The following PLCL1 variants were observed in gnomAD, a reference collection of about 807,000 sequenced individuals.
PLCL1 encodes inactive phospholipase C-like protein 1.
In PLCL1, 41 loss-of-function variants were observed where a neutral mutation model predicts 84.4. The ratio of observed to expected loss-of-function variants is 0.49; its 90% CI spans 0.38 to 0.63. PLCL1 has a LOEUF of 0.63. Among genes scored for constraint, PLCL1 ranks in the 30% least tolerant of loss-of-function variants. PLCL1 has a pLI of 0.00. For missense variants in PLCL1, 1,206 were observed against 1,367.8 expected (o/e 0.88, Z 1.87); for synonymous variants, 490 against 488.3 (o/e 1.00, Z -0.05).
At chr2:198,056,160 C>T (rs1304752058) in intron 1 of PLCL1, among the ~76,000 whole-genome samples, 1 of 152,138 alleles carries the variant, frequency 6.6e-6, no homozygotes, top group Non-Finnish European at 1.5e-5. Context: ...ATTTCAATAA[C>T]ATTTCTCTGT....
intron 1 of PLCL1, among the ~76,000 whole-genome samples, chr2:197,922,758 T>C (rs868725514): frequency 1.1e-3 from 48 of 45,638 alleles, no homozygotes; most frequent in East Asian, 1.7e-3. Context: ...CCGGACGGGG[T>C]GGCTGGCCGG....
intron 1 of PLCL1, among the ~76,000 whole-genome samples, chr2:197,929,633 A>G (rs889165841): frequency 3.3e-5 from 5 of 152,192 alleles, no homozygotes; most frequent in Non-Finnish European, 7.4e-5. Context: ...GAATAATTGA[A>G]AGCTGGGCAT....
chr2:197,960,236 A>C (rs1224499023), intron 1 of PLCL1, among the ~76,000 whole-genome samples: 2 of 152,122 alleles, frequency 1.3e-5, no homozygotes, highest in Non-Finnish European at 2.9e-5. Context: ...GAGTGGGGTC[A>C]CTAGATAAAA....
chr2:198,135,720 G>A lies in PLCL1; in HGVS notation c.3106-11060G>A, dbSNP rs148964658. The stretch of plus-strand genomic sequence containing the variant: ...ATGGCTTCTTAAACAGAGCACCCCC[G>A]TAGGAACCTATCTTATGGTATCTTC... On this transcript the variant is annotated intron_variant, in intron 5 of 5. Coordinates refer to ENST00000428675, the MANE Select transcript of PLCL1 (RefSeq NM_006226.4). Among the ~76,000 whole-genome samples the A allele has an allele frequency of 5.6e-4, 85 of 152,264 alleles. 1 individual carries two copies. The East Asian group carries it at 9.5e-3, about 17-fold the overall frequency.
chr2:197,933,937 A>T (rs1156628413), intron 1 of PLCL1, among the ~76,000 whole-genome samples: 2 of 152,180 alleles, frequency 1.3e-5, no homozygotes, highest in Non-Finnish European at 2.9e-5. Context: ...TTCCTGAAAG[A>T]GTAATCTGGG....
At chr2:197,927,733 A>G (rs1305530866) in intron 1 of PLCL1, among the ~76,000 whole-genome samples, 4 of 152,212 alleles carry the variant, frequency 2.6e-5, no homozygotes, top group Non-Finnish European at 4.4e-5. Context: ...TTCATGGGTC[A>G]AACTTTTGAT....
intron 1 of PLCL1, among the ~76,000 whole-genome samples, chr2:197,878,539 T>C (rs1338439854): frequency 6.6e-6 from 1 of 152,178 alleles, no homozygotes; most frequent in African/African-American, 2.4e-5. Context: ...TGGATTTCCA[T>C]TTTCTAGGAT....
intron 1 of PLCL1, among the ~76,000 whole-genome samples, chr2:197,995,725 C>T (rs1225663453): frequency 6.6e-6 from 1 of 152,174 alleles, no homozygotes; most frequent in African/African-American, 2.4e-5. Context: ...ATTTTAAATT[C>T]ATGCCCTGGG....
At position 197,988,964 on chromosome 2, in the gene PLCL1, G is replaced by A. The variant is rs116822934; in HGVS notation, c.241-94794G>A. ...CATTGAATCACTTATTTTTTGTGAA[G>A]TGTAATTTCTAGGATGGATTATATA... On this transcript the variant is annotated intron_variant, in intron 1 of 5. Coordinates refer to ENST00000428675, the MANE Select transcript of PLCL1 (RefSeq NM_006226.4). 1.6e-3 allele frequency among the ~76,000 whole-genome samples: 242 copies of A among 152,262 alleles called. 1 individual carries two copies. The highest frequency in any genetic ancestry group is 5.8e-3 in the African/African-American group (241 of 41,552).
At position 197,805,442 on chromosome 2, in the gene PLCL1, G is replaced by T. The variant is rs1690452941; in HGVS notation, c.240+103G>T. ...TCCGGAGGCATCCGGGCTCAGCATT[G>T]TTTTCTCCCACCTCCTTCAACGCCA... On this transcript the variant is annotated intron_variant, in intron 1 of 5. Coordinates refer to ENST00000428675, the MANE Select transcript of PLCL1 (RefSeq NM_006226.4). The surrounding 1 kb of genome is among the most constrained non-coding windows in gnomAD (Gnocchi z 4.0). 2 of 1,088,616 alleles carry T rather than the reference G, an allele frequency of 1.8e-6. No homozygotes were observed. The highest frequency in any genetic ancestry group is 8.5e-5 in the Admixed American group (2 of 23,540). 67.4% of individuals were successfully genotyped at this position (1,088,616 alleles called of 1,614,324 possible).
chr2:198,122,466 A>G (rs1237228167), intron 5 of PLCL1, among the ~76,000 whole-genome samples: 2 of 152,086 alleles, frequency 1.3e-5, no homozygotes, highest in African/African-American at 4.8e-5. Context: ...CCAAGAACTC[A>G]TCATATATCT....
chr2:197,848,296 G>GA (rs1407461499), intron 1 of PLCL1, among the ~76,000 whole-genome samples: 3 of 152,126 alleles, frequency 2.0e-5, no homozygotes, highest in African/African-American at 7.2e-5. Context: ...TGTTTATGAA[G>GA]AAAAATCAGG....
At chr2:197,922,680 C>T (rs1377704756) in intron 1 of PLCL1, among the ~76,000 whole-genome samples, 2 of 123,850 alleles carry the variant, frequency 1.6e-5, no homozygotes, top group African/African-American at 6.0e-5. Flanking sequence ...CCGGACGGGG[C>T]GGCTGGCTGG....
intron 1 of PLCL1, among the ~76,000 whole-genome samples, chr2:197,897,183 CT>C: frequency 4.3e-5 from 1 of 23,172 alleles, no homozygotes; most frequent in South Asian, 1.7e-3. Flanking sequence ...TCTTCTTCTT[CT>C]TCTTCTCCTT....
At chr2:198,032,208 G>A (rs1021669413) in intron 1 of PLCL1, among the ~76,000 whole-genome samples, 1 of 152,082 alleles carries the variant, frequency 6.6e-6, no homozygotes, top group Non-Finnish European at 1.5e-5. Flanking sequence ...AAACCTACTG[G>A]TTTCTTTAAA....
chr2:198,130,148 C>T (rs905032172), intron 5 of PLCL1, among the ~76,000 whole-genome samples: 9 of 152,046 alleles, frequency 5.9e-5, no homozygotes, highest in African/African-American at 1.4e-4. Flanking sequence ...GCACATGCCA[C>T]CACACCCTGC....
chr2:197,913,283 G>C lies in PLCL1; in HGVS notation c.240+107944G>C, dbSNP rs76674264. On this transcript the variant is annotated intron_variant, in intron 1 of 5. Coordinates refer to ENST00000428675, the MANE Select transcript of PLCL1 (RefSeq NM_006226.4). The stretch of plus-strand genomic sequence containing the variant: ...CTCCAAGGGCCAGTTTGCCAAGTTA[G>C]AGTCCCGTATGCTAATGAAGTTGCT... Among the ~76,000 whole-genome samples, 279 of 152,352 alleles carry C rather than the reference G, an allele frequency of 1.8e-3. 1 individual carries two copies. The highest frequency in any genetic ancestry group is 6.4e-3 in the African/African-American group (266 of 41,582).
chr2:198,052,131 C>T (rs1202099545), intron 1 of PLCL1, among the ~76,000 whole-genome samples: 1 of 152,196 alleles, frequency 6.6e-6, no homozygotes, highest in African/African-American at 2.4e-5. Flanking sequence ...AGGCTGGTCT[C>T]GAACTCCCTA....
Position 197,836,600 on chromosome 2 carries a change from A to G in PLCL1, c.240+31261A>G, listed in dbSNP as rs571428342. 7.2e-5 allele frequency among the ~76,000 whole-genome samples: 11 copies of G among 152,222 alleles called. No individual in the cohort carries two copies. The South Asian group carries it at 2.3e-3, about 32-fold the overall frequency. Reference sequence around the variant, plus strand: ...AGCTCTGTTAAAACAGGTCTTCTGTATTCCAGGAGTCAAAGAGTATTTAAA... The same window carrying G: ...AGCTCTGTTAAAACAGGTCTTCTGTGTTCCAGGAGTCAAAGAGTATTTAAA... On this transcript the variant is annotated intron_variant, in intron 1 of 5. Coordinates refer to ENST00000428675, the MANE Select transcript of PLCL1 (RefSeq NM_006226.4).
Sources: gnomAD v4.1 joint callset for allele counts (sites outside exome capture counted in the v4.1 genomes callset) on GRCh38, gnomAD v4.1.1 for gene constraint, Gnocchi (gnomAD v3.1) non-coding constraint, MANE v1.5 for transcripts, NCBI Gene and HGNC (gene_info 2026-07-23, HGNC 2026-07-21) for gene names.